Variants in PAMR1 observed in about 807,000 individuals in gnomAD.
PAMR1 encodes inactive serine protease PAMR1.
PAMR1 carries 88 observed loss-of-function variants against 81.8 expected under a neutral mutation model. The observed-to-expected ratio is 1.08, with a 90% confidence interval of 0.91 to 1.28. The LOEUF is 1.28. PAMR1 is among the 50% of genes most tolerant of loss of function. The pLI, the probability that PAMR1 is intolerant of heterozygous loss-of-function variation, is 0.00. For missense variants in PAMR1, 935 were observed against 919.7 expected (o/e 1.02, Z -0.21); for synonymous variants, 336 against 345.3 (o/e 0.97, Z 0.30).
intron 6 of PAMR1, among the ~76,000 whole-genome samples, chr11:35,458,994 T>A (rs1225395748): frequency 3.3e-5 from 5 of 152,236 alleles, no homozygotes; most frequent in African/African-American, 1.2e-4. Context: ...ACTCTTTTGA[T>A]CCCTTTCCAG....
At chr11:35,456,445 C>T (rs1036316312) in intron 6 of PAMR1, among the ~76,000 whole-genome samples, 4 of 152,140 alleles carry the variant, frequency 2.6e-5, no homozygotes, top group East Asian at 1.9e-4. Flanking sequence ...CTGAGTTAAA[C>T]GGAACCAAAT....
Position 35,434,819 on chromosome 11 carries a change from C to A in PAMR1, c.1334-15G>T. ...TTTCCCGCAGACTATGGAGAAAGTA[C>A]CAGCTTAGTAAGATAAACTCAGACT... On this transcript the variant is annotated splice_polypyrimidine_tract_variant and intron_variant, in intron 9 of 10. Transcript: ENST00000619888. 6.2e-7 allele frequency: 1 copy of A among 1,608,594 alleles called. No individual in the cohort carries two copies. Among genetic ancestry groups the A allele is most frequent in the South Asian group, 1.1e-5 (1 of 90,810 alleles).
At chr11:35,468,368 G>A (rs1002924663) in intron 5 of PAMR1, among the ~76,000 whole-genome samples, 1 of 152,164 alleles carries the variant, frequency 6.6e-6, no homozygotes, top group Non-Finnish European at 1.5e-5. Flanking sequence ...AGACCACAAG[G>A]CAATGCAAAC....
At chr11:35,496,198 A>C in intron 1 of PAMR1, among the ~76,000 whole-genome samples, 1 of 152,230 alleles carries the variant, frequency 6.6e-6, no homozygotes, top group Non-Finnish European at 1.5e-5. Flanking sequence ...TCCATCCATG[A>C]TCTTGGATTT....
chr11:35,503,278 T>C (rs944358101), intron 1 of PAMR1, among the ~76,000 whole-genome samples: 21 of 127,654 alleles, frequency 1.6e-4, no homozygotes, highest in Non-Finnish European at 3.1e-4. Flanking sequence ...GTGTGATGTC[T>C]CCAGCTTTTT....
intron 1 of PAMR1, among the ~76,000 whole-genome samples, chr11:35,510,427 C>T (rs1468125471): frequency 6.6e-6 from 1 of 152,118 alleles, no homozygotes; most frequent in Non-Finnish European, 1.5e-5. Context: ...CCTAAGAATT[C>T]TCTGTTCTCT....
rs1447103042 is a variant in PAMR1, at chr11:35,432,854, G to C, written c.1665C>G (p.Ile555Met). The change falls in exon 11 of 11, where the codon ATC (isoleucine) becomes ATG (methionine). Residue 555 changes from isoleucine (I) to methionine (M), a missense_variant. By Grantham distance (10) the Ile-to-Met change is conservative (BLOSUM62 1). Transcript: ENST00000619888. ...GGATGGCGATGTCAGCATCAAGCAG[G>C]ATGGGGTCATAGTTGGGATGCAGAA... ...AIILHPNYDP[I>M]LLDADIAILK... 1 of 1,597,062 alleles carries C rather than the reference G, an allele frequency of 6.3e-7. No individual in the cohort carries two copies. Among genetic ancestry groups the C allele is most frequent in the Non-Finnish European group, 8.5e-7 (1 of 1,177,606 alleles).
chr11:35,507,500 T>A (rs1180046444), intron 1 of PAMR1, among the ~76,000 whole-genome samples: 1 of 152,226 alleles, frequency 6.6e-6, no homozygotes, highest in Non-Finnish European at 1.5e-5. Context: ...TTGTGAAATT[T>A]TTCTGATAAA....
At chr11:35,499,170 G>A (rs1333682816) in intron 1 of PAMR1, among the ~76,000 whole-genome samples, 1 of 152,158 alleles carries the variant, frequency 6.6e-6, no homozygotes, top group African/African-American at 2.4e-5. Flanking sequence ...CATGAGCCAG[G>A]AGAGCCAGCT....
chr11:35,526,476 T>A (rs1321925765), upstream of PAMR1, among the ~76,000 whole-genome samples: 1 of 152,106 alleles, frequency 6.6e-6, no homozygotes, highest in Non-Finnish European at 1.5e-5. Context: ...GGATGTTTCA[T>A]AATAGGTGAC....
rs554900613 is a variant in PAMR1, at chr11:35,482,485, G to A, written c.380-7741C>T. Among the ~76,000 whole-genome samples, 3 of 152,216 alleles carry A rather than the reference G, an allele frequency of 2.0e-5. No individual in the cohort carries two copies. The East Asian group carries it at 5.8e-4, about 29-fold the overall frequency. On this transcript the variant is annotated intron_variant, in intron 3 of 10. Transcript: ENST00000619888. The stretch of plus-strand genomic sequence containing the variant: ...CAGGTAGTATGATGCCTCCAGCTTT[G>A]TTCTTTTTGCTTAAGATTGTTTTGG...
At chr11:35,489,376 A>G (rs1344601322) in intron 3 of PAMR1, among the ~76,000 whole-genome samples, 1 of 152,222 alleles carries the variant, frequency 6.6e-6, no homozygotes, top group African/African-American at 2.4e-5. Flanking sequence ...CCCATTCTTC[A>G]GTGAGTCTTG....
intron 6 of PAMR1, among the ~76,000 whole-genome samples, chr11:35,460,323 T>C (rs2135366392): frequency 6.6e-6 from 1 of 152,286 alleles, no homozygotes; most frequent in East Asian, 1.9e-4. Flanking sequence ...TTTTTTTTTT[T>C]TTTATATACT....
chr11:35,466,468 C>T (rs2135373739), intron 6 of PAMR1, among the ~76,000 whole-genome samples: 1 of 152,268 alleles, frequency 6.6e-6, no homozygotes. Flanking sequence ...TGGCTCACCC[C>T]TGTAATCCCA....
Position 35,446,596 on chromosome 11 carries a change from C to T in PAMR1, c.821-4903G>A, listed in dbSNP as rs113249559. ...TTTCTGCCTTAATTTCATTATTTAC[C>T]CAGGAGTCGTTCAGGAGCAGGTTGT... On this transcript the variant is annotated intron_variant, in intron 6 of 10. Transcript: ENST00000619888. Among the ~76,000 whole-genome samples the T allele has an allele frequency of 7.9e-3, 1,196 of 152,084 alleles. 14 individuals are homozygous for T. Among genetic ancestry groups the T allele is most frequent in the African/African-American group, 0.028 (1,147 of 41,456 alleles).
chr11:35,473,829 G>A (rs1487365475), intron 4 of PAMR1, among the ~76,000 whole-genome samples: 2 of 152,156 alleles, frequency 1.3e-5, no homozygotes, highest in Non-Finnish European at 2.9e-5. Flanking sequence ...TGTCACCACA[G>A]GGTTAAAATG....
chr11:35,502,298 C>G (rs1226589933), intron 1 of PAMR1, among the ~76,000 whole-genome samples: 2 of 151,936 alleles, frequency 1.3e-5, no homozygotes, highest in Non-Finnish European at 2.9e-5. Flanking sequence ...GCAACATGTG[C>G]CGGTTTGTTA....
Position 35,434,640 on chromosome 11 carries a change from C to A in PAMR1, c.1498G>T (p.Val500Leu). 2 of 1,614,154 alleles carry A rather than the reference C, an allele frequency of 1.2e-6. No homozygotes were observed. Among genetic ancestry groups the A allele is most frequent in the Non-Finnish European group, 1.7e-6 (2 of 1,180,026 alleles). ...SGALVNERTV[V>L]VAAHCVTDLG... Reference sequence around the variant, plus strand: ...TCAGTAACACAGTGGGCAGCCACCACCACAGTGCGCTCATTCACCAGGGCA... The same window carrying A: ...TCAGTAACACAGTGGGCAGCCACCAACACAGTGCGCTCATTCACCAGGGCA... Residue 500 changes from valine to leucine, a missense_variant, in exon 10 of 11, where the codon GTG becomes TTG. By Grantham distance (32) the Val-to-Leu change is conservative. Coordinates refer to ENST00000619888, the MANE Select transcript of PAMR1 (RefSeq NM_001001991.3).
chr11:35,434,768 GTCT>G lies in PAMR1; in HGVS notation c.1367_1369del (p.Lys456del). 1 of 1,614,082 alleles carries G rather than the reference GTCT, an allele frequency of 6.2e-7. No individual in the cohort carries two copies. Among genetic ancestry groups the G allele is most frequent in the Non-Finnish European group, 8.5e-7 (1 of 1,180,010 alleles). On this transcript the variant is annotated inframe_deletion, in exon 10 of 11. Coordinates refer to ENST00000619888, the MANE Select transcript of PAMR1 (RefSeq NM_001001991.3). ...CTGCCACGGCCAGCGCAACCCTTGG[GTCT>G]TTGGAGCAGTGATGTTCTCAATTTT... is the stretch of plus-strand genomic sequence containing the variant.
Sources: gnomAD v4.1 joint callset for allele counts (sites outside exome capture counted in the v4.1 genomes callset) on GRCh38, gnomAD v4.1.1 for gene constraint, MANE v1.5 for transcripts, NCBI Gene and HGNC (gene_info 2026-07-23, HGNC 2026-07-21) for gene names.